Variants in JMJD6 observed in about 807,000 individuals in gnomAD.
JMJD6 encodes the protein bifunctional arginine demethylase and lysyl-hydroxylase JMJD6.
In JMJD6, 17 loss-of-function variants were observed where a neutral mutation model predicts 45.8. That is an observed-to-expected ratio of 0.37 (90% CI 0.25 to 0.56). The LOEUF (loss-of-function observed/expected upper bound fraction) is 0.56, where lower values mean the gene tolerates loss of function less well. Among genes scored for constraint, JMJD6 ranks in the 20% least tolerant of loss-of-function variants. The pLI is 0.79. For missense variants in JMJD6, 470 were observed against 517.5 expected (o/e 0.91, Z 0.89); for synonymous variants, 221 against 196.3 (o/e 1.13, Z -1.05).
rs1333767826 is a variant in JMJD6 at position 76,725,495 on chromosome 17, C to T, written c.490G>A (p.Ala164Thr). 2 of 1,613,442 alleles carry T rather than the reference C, an allele frequency of 1.2e-6. No homozygotes were observed. The highest frequency in any genetic ancestry group is 1.7e-6 in the Non-Finnish European group (2 of 1,179,862). Reference protein sequence around the residue: ...KFFTDDLFQYAGEKRRPPYRW... With the variant: ...KFFTDDLFQYTGEKRRPPYRW... The stretch of plus-strand genomic sequence containing the variant: ...TAAGGGGGCCTGCGCTTCTCCCCAG[C>T]ATACTGGAAAAGGTCATCAGTGAAA... Residue 164 changes from alanine to threonine, a missense_variant, in exon 2 of 6, where the codon GCT becomes ACT. By Grantham distance (58) the Ala-to-Thr change is moderately conservative. Around this residue, in one of 4 missense-constraint regions of JMJD6, gnomAD observed 346 missense variants for 339.5 expected, o/e 1.02. Coordinates refer to ENST00000397625, the MANE Select transcript of JMJD6 (RefSeq NM_015167.3).
intron 3 of JMJD6, 109 bp from the exon 4 acceptor site, chr17:76,722,042 G>C: frequency 8.5e-7 from 1 of 1,176,918 alleles, no homozygotes; most frequent in East Asian, 2.5e-5. Flanking sequence ...AGAGCCTACA[G>C]AGACATGATA....
intron 2 of JMJD6, among the ~76,000 whole-genome samples, chr17:76,724,320 C>T (rs1297481361): frequency 6.6e-6 from 1 of 151,826 alleles, no homozygotes; most frequent in Non-Finnish European, 1.5e-5. Context: ...CAGGGTTTCA[C>T]CATGTTGCCT....
chr17:76,714,046 T>C (rs2240775), downstream of JMJD6: 57,983 of 152,102 alleles, frequency 0.38, 12,045 homozygotes, highest in Middle Eastern at 0.53. Flanking sequence ...GCTTGAATTA[T>C]TAAGACACGG....
intron 3 of JMJD6, 146 bp from the exon 4 acceptor site, chr17:76,722,079 T>C (rs2076832707): frequency 3.6e-6 from 3 of 828,994 alleles, no homozygotes; most frequent in South Asian, 3.9e-5. Context: ...GATCCAGGGA[T>C]TGCAAACAAC....
chr17:76,715,090 G>C (rs1343601655), downstream of JMJD6: 7 of 152,174 alleles, frequency 4.6e-5, no homozygotes, highest in Admixed American at 4.6e-4. Context: ...GTTGTTGATA[G>C]AAAACTGAAA....
Position 76,723,759 on chromosome 17 carries a change from A to G in JMJD6, c.805+13T>C. On this transcript the variant is annotated intron_variant, in intron 3 of 5. Transcript: ENST00000397625. ...CCCGGCAAAGAATGTACTTTCTTCCAGTTCATCTATACCTGGTACAAAGAC... is the reference window on the plus strand; with the variant it reads ...CCCGGCAAAGAATGTACTTTCTTCCGGTTCATCTATACCTGGTACAAAGAC... 1 of 1,610,044 alleles carries G rather than the reference A, an allele frequency of 6.2e-7. No individual in the cohort carries two copies. Among genetic ancestry groups the G allele is most frequent in the South Asian group, 1.1e-5 (1 of 91,050 alleles).
Position 76,723,007 on chromosome 17 carries a change from C to T in JMJD6, c.805+765G>A, listed in dbSNP as rs569744433. 5.4e-5 allele frequency among the ~76,000 whole-genome samples: 8 copies of T among 149,354 alleles called. No homozygotes were observed. The South Asian group carries it at 1.7e-3, about 32-fold the overall frequency. ...TGTCACCCAGGCTGGAGTGCAGTGA[C>T]ACAATCTCAGCTCACTGCAGCCTCC... is the stretch of plus-strand genomic sequence containing the variant. On this transcript the variant is annotated intron_variant, in intron 3 of 5. Transcript: ENST00000397625.
chr17:76,726,573 A>C lies in JMJD6; in HGVS notation c.-98T>G. 2 of 1,445,496 alleles carry C rather than the reference A, an allele frequency of 1.4e-6. No individual in the cohort carries two copies. Among genetic ancestry groups the C allele is most frequent in the Non-Finnish European group, 1.8e-6 (2 of 1,092,880 alleles). The allele number at this position is 1,445,496 out of a possible 1,614,324, so 89.5% of individuals were successfully genotyped here. On this transcript the variant is annotated 5_prime_UTR_variant, in exon 1 of 6. Coordinates refer to ENST00000397625, the MANE Select transcript of JMJD6 (RefSeq NM_015167.3). ...CGGCCTGGGCGGCGGCGACGGCAGT[A>C]CCCAAACGCCCTTCGCTCAGTCCCG...
intron 2 of JMJD6, among the ~76,000 whole-genome samples, chr17:76,724,809 T>C (rs1204268817): frequency 6.7e-6 from 1 of 150,226 alleles, no homozygotes; most frequent in Non-Finnish European, 1.5e-5. Flanking sequence ...AGAGGGAGAC[T>C]CCATCTCAAT....
chr17:76,716,371 T>C (rs1424424957), downstream of JMJD6: 2 of 321,618 alleles, frequency 6.2e-6, no homozygotes, highest in Admixed American at 8.9e-5. Flanking sequence ...CACAAGACGT[T>C]ACAAGGATCA....
At chr17:76,724,182 G>T (rs575079649) in intron 2 of JMJD6, 124 bp from the exon 3 acceptor site, 1 of 1,047,702 alleles carries the variant, frequency 9.5e-7, no homozygotes, top group Non-Finnish European at 1.4e-6. Flanking sequence ...ATGCAGTGGC[G>T]TGATCTTGGC....
intron 5 of JMJD6, 142 bp from the exon 6 acceptor site, chr17:76,719,002 A>G (rs2090239342): frequency 3.8e-6 from 3 of 787,354 alleles, no homozygotes; most frequent in South Asian, 1.9e-5. Context: ...CAGCTCCACA[A>G]TGTAGCCTTC....
Position 76,726,591 on chromosome 17 carries a change from C to T in JMJD6, c.-116G>A, listed in dbSNP as rs1381986665. On this transcript the variant is annotated 5_prime_UTR_variant, in exon 1 of 6. Coordinates refer to ENST00000397625, the MANE Select transcript of JMJD6 (RefSeq NM_015167.3). ...CGGCAGTACCCAAACGCCCTTCGCT[C>T]AGTCCCGGCGCCTTTAAAGTCGCCT... The T allele has an allele frequency of 4.4e-6, 6 of 1,371,406 alleles. No individual in the cohort carries two copies. The highest frequency in any genetic ancestry group is 1.9e-4 in the Middle Eastern group (1 of 5,342). 85.0% of individuals were successfully genotyped at this position (1,371,406 alleles called of 1,614,324 possible).
chr17:76,723,012 T>C (rs1304848804), intron 3 of JMJD6, among the ~76,000 whole-genome samples: 1 of 149,514 alleles, frequency 6.7e-6, no homozygotes, highest in South Asian at 2.1e-4. Context: ...AGTGACACAA[T>C]CTCAGCTCAC....
At chr17:76,715,224 T>A (rs536328697), downstream of JMJD6, 1 of 152,256 alleles carries the variant, frequency 6.6e-6, no homozygotes, top group South Asian at 2.1e-4. Flanking sequence ...CACTCAGATA[T>A]TACTACCAAG....
chr17:76,720,920 T>A (rs530406965), intron 4 of JMJD6, among the ~76,000 whole-genome samples: 3 of 152,152 alleles, frequency 2.0e-5, no homozygotes, highest in Admixed American at 6.5e-5. Context: ...CAGAGTTGCA[T>A]TGGTTAGATT....
intron 1 of JMJD6, 77 bp downstream of exon 1, chr17:76,726,270 C>T: frequency 6.7e-7 from 1 of 1,483,482 alleles, no homozygotes; most frequent in Non-Finnish European, 8.9e-7. Context: ...GCGAGGGCAG[C>T]CTCGGGCCCA....
intron 2 of JMJD6, among the ~76,000 whole-genome samples, chr17:76,724,798 C>T (rs766514433): frequency 6.7e-6 from 1 of 149,360 alleles, no homozygotes. Context: ...GCTTGGACGA[C>T]AGAGGGAGAC....
At position 76,721,827 on chromosome 17, in the gene JMJD6, C is replaced by T. The variant is rs1283424694; in HGVS notation, c.912G>A (p.Gly304=). The T allele has an allele frequency of 6.2e-7, 1 of 1,614,164 alleles. No individual in the cohort carries two copies. Among genetic ancestry groups the T allele is most frequent in the South Asian group, 1.1e-5 (1 of 91,074 alleles). The change falls in exon 4 of 6, where the codon GGG becomes GGA. Residue 304 remains glycine (G), a synonymous_variant. Coordinates refer to ENST00000397625, the MANE Select transcript of JMJD6 (RefSeq NM_015167.3). ...ACCATTTCCTTGATAACTTTGGTCT[C>T]CCTCTTACCGTCTTGTGCCATACCA... ...FPVVWHKTVR[G]RPKLSRKWYR...
Sources: gnomAD v4.1 joint callset for allele counts (sites outside exome capture counted in the v4.1 genomes callset) on GRCh38, gnomAD v4.1.1 for gene constraint, gnomAD v4.1.1 regional missense constraint, MANE v1.5 for transcripts, NCBI Gene and HGNC (gene_info 2026-07-23, HGNC 2026-07-21) for gene names.